Variants in CDH12 observed in about 807,000 individuals in gnomAD.
The protein encoded by CDH12 is cadherin-12.
Under a neutral mutation model 74.1 loss-of-function variants are expected in CDH12, and 41 were observed. The ratio of observed to expected loss-of-function variants is 0.55; its 90% CI spans 0.43 to 0.72. The LOEUF is 0.72. CDH12 is among the 30% of genes least tolerant of loss of function. The probability of loss-of-function intolerance (pLI) is 0.00; values close to 1 mark genes in which losing one functional copy is unlikely to be tolerated. For synonymous variants in CDH12, 399 were observed against 355.0 expected, an observed-to-expected ratio of 1.12 and a Z score of -1.39; for missense variants, 945 against 977.2, an observed-to-expected ratio of 0.97 and a Z score of 0.44.
intron 4 of CDH12, among the ~76,000 whole-genome samples, chr5:22,120,735 G>A (rs1745460600): frequency 6.6e-6 from 1 of 151,930 alleles, no homozygotes; most frequent in African/African-American, 2.4e-5. Flanking sequence ...TCTTTCACTG[G>A]ATTGAGACTA....
intron 5 of CDH12, among the ~76,000 whole-genome samples, chr5:22,073,664 C>T (rs962283449): frequency 1.3e-5 from 2 of 152,044 alleles, no homozygotes; most frequent in Non-Finnish European, 2.9e-5. Context: ...CCTCTGTATA[C>T]CCTTGTGATT....
At chr5:22,811,412 T>A (rs1463244873) in intron 1 of CDH12, among the ~76,000 whole-genome samples, 1 of 152,096 alleles carries the variant, frequency 6.6e-6, no homozygotes, top group Admixed American at 6.5e-5. Flanking sequence ...TAGACGATAT[T>A]CAGTGGCGGA....
At chr5:22,725,725 A>G (rs1441246408) in intron 1 of CDH12, among the ~76,000 whole-genome samples, 1 of 151,636 alleles carries the variant, frequency 6.6e-6, no homozygotes, top group Non-Finnish European at 1.5e-5. Flanking sequence ...TGAATTTTTT[A>G]GGGACAAAAA....
chr5:22,136,794 C>A (rs1746490700), intron 4 of CDH12, among the ~76,000 whole-genome samples: 1 of 150,744 alleles, frequency 6.6e-6, no homozygotes, highest in Admixed American at 6.6e-5. Context: ...AATGCTGATA[C>A]CGTAATCAGA....
At chr5:22,443,448 T>G (rs1744701784) in intron 2 of CDH12, among the ~76,000 whole-genome samples, 2 of 152,190 alleles carry the variant, frequency 1.3e-5, no homozygotes, top group African/African-American at 4.8e-5. Context: ...TGTTGATACT[T>G]AGGTAGGTCT....
At chr5:22,460,196 G>C (rs189344997) in intron 2 of CDH12, among the ~76,000 whole-genome samples, 46 of 152,066 alleles carry the variant, frequency 3.0e-4, no homozygotes, top group Admixed American at 1.0e-3. Context: ...TCTGGGTTTT[G>C]TTTTACTTTT....
intron 2 of CDH12, among the ~76,000 whole-genome samples, chr5:22,457,350 C>T (rs1561418852): frequency 6.6e-6 from 1 of 151,884 alleles, no homozygotes; most frequent in African/African-American, 2.4e-5. Context: ...AGAATCCTTC[C>T]TTGCCTCTTC....
chr5:22,331,061 C>T (rs1340191436), intron 3 of CDH12, among the ~76,000 whole-genome samples: 1 of 152,094 alleles, frequency 6.6e-6, no homozygotes, highest in Non-Finnish European at 1.5e-5. Context: ...AGGAGAGGCT[C>T]CTCTGCCTGT....
intron 1 of CDH12, among the ~76,000 whole-genome samples, chr5:22,750,694 CAGTTAAATGG>C (rs1307029993): frequency 6.6e-6 from 1 of 151,926 alleles, no homozygotes; most frequent in African/African-American, 2.4e-5. Context: ...ACTGATGACA[CAGTTAAATGG>C]AGAATTCAGT....
intron 2 of CDH12, among the ~76,000 whole-genome samples, chr5:22,417,523 G>T (rs1363330448): frequency 6.6e-6 from 1 of 152,184 alleles, no homozygotes; most frequent in Non-Finnish European, 1.5e-5. Context: ...CCAGATATGA[G>T]TTCCTTCATC....
intron 4 of CDH12, among the ~76,000 whole-genome samples, chr5:22,163,176 C>G (rs1415480213): frequency 6.6e-6 from 1 of 152,140 alleles, no homozygotes; most frequent in Admixed American, 6.5e-5. Flanking sequence ...CCACCGCTCC[C>G]GGCCCCCTCT....
chr5:22,740,799 T>G (rs1744991095), intron 1 of CDH12, among the ~76,000 whole-genome samples: 1 of 152,068 alleles, frequency 6.6e-6, no homozygotes, highest in Admixed American at 6.6e-5. Flanking sequence ...ATACTACCAT[T>G]CCATGAGCTA....
chr5:21,864,151 G>A (rs942821101), intron 6 of CDH12, among the ~76,000 whole-genome samples: 2 of 151,874 alleles, frequency 1.3e-5, no homozygotes, highest in African/African-American at 4.8e-5. Context: ...GTGTGTGTGT[G>A]CATGTAAGAT....
chr5:22,327,426 CTCTGTGTGTGTG>C (rs1371599337), intron 3 of CDH12, among the ~76,000 whole-genome samples: 26 of 128,288 alleles, frequency 2.0e-4, no homozygotes, highest in South Asian at 2.6e-4. Context: ...AAATTTGTGC[CTCTGTGTGTGTG>C]TGTGTGTGTG....
chr5:21,889,805 T>C, intron 6 of CDH12: 1 of 985,230 alleles, frequency 1.0e-6, no homozygotes, highest in Non-Finnish European at 1.2e-6. Context: ...TATTTCTCAA[T>C]ATAGATGATG....
At chr5:22,357,681 T>C (rs1231047797) in intron 3 of CDH12, among the ~76,000 whole-genome samples, 1 of 152,156 alleles carries the variant, frequency 6.6e-6, no homozygotes, top group East Asian at 1.9e-4. Flanking sequence ...CAGTGAGTAG[T>C]TAATATGCTT....
At chr5:22,790,760 A>G (rs1461469366) in intron 1 of CDH12, among the ~76,000 whole-genome samples, 2 of 152,102 alleles carry the variant, frequency 1.3e-5, no homozygotes, top group African/African-American at 4.8e-5. Flanking sequence ...ACCTAAATTG[A>G]TGGAGCTGTT....
chr5:22,295,222 CT>C (rs199965622), intron 3 of CDH12, among the ~76,000 whole-genome samples: 4 of 151,832 alleles, frequency 2.6e-5, no homozygotes, highest in Non-Finnish European at 5.9e-5. Flanking sequence ...AATTTCTTTT[CT>C]TTTTTTTAAT....
At chr5:22,485,272 C>T (rs569791092) in intron 2 of CDH12, among the ~76,000 whole-genome samples, 4 of 152,198 alleles carry the variant, frequency 2.6e-5, no homozygotes, top group African/African-American at 9.6e-5. Context: ...ACCTTCAATT[C>T]CTGGGCTCAA....
Sources: gnomAD v4.1 joint callset for allele counts (sites outside exome capture counted in the v4.1 genomes callset) on GRCh38, gnomAD v4.1.1 for gene constraint, MANE v1.5 for transcripts, NCBI Gene and HGNC (gene_info 2026-07-23, HGNC 2026-07-21) for gene names.